AGBL4: variants seen among roughly 807,000 people sequenced by gnomAD.
The protein encoded by AGBL4 is AGBL carboxypeptidase 4, also known as cytosolic carboxypeptidase 6.
A neutral mutation model predicts 66.4 loss-of-function variants in AGBL4; 58 were observed. The observed-to-expected ratio is 0.87, with a 90% CI of 0.71 to 1.09. The LOEUF (loss-of-function observed/expected upper bound fraction) is 1.09, where lower values mean the gene tolerates loss of function less well. Among genes scored for constraint, AGBL4 ranks in the 50% least tolerant of loss-of-function variants. AGBL4 has a pLI of 0.00. For synonymous variants in AGBL4, 234 were observed against 222.9 expected (o/e 1.05, Z -0.44); for missense variants, 579 against 631.0 (o/e 0.92, Z 0.88).
At chr1:48,588,572 G>A (rs988555164) in intron 10 of AGBL4, among the ~76,000 whole-genome samples, 2 of 151,814 alleles carry the variant, frequency 1.3e-5, no homozygotes, top group East Asian at 1.9e-4. Context: ...TGTCTTATTC[G>A]GCAGGAGATA....
chr1:48,667,084 T>C (rs1334887634), intron 6 of AGBL4, among the ~76,000 whole-genome samples: 3 of 152,230 alleles, frequency 2.0e-5, no homozygotes, highest in Non-Finnish European at 4.4e-5. Context: ...CTTTTGGAGA[T>C]TAAAATCACC....
chr1:49,711,881 C>T (rs1212374524), intron 2 of AGBL4, among the ~76,000 whole-genome samples: 3 of 151,976 alleles, frequency 2.0e-5, no homozygotes, highest in African/African-American at 7.2e-5. Context: ...TGGTTACATA[C>T]AGGGACTGTA....
At chr1:49,895,286 C>A (rs191488322) in intron 1 of AGBL4, among the ~76,000 whole-genome samples, 3 of 149,962 alleles carry the variant, frequency 2.0e-5, no homozygotes, top group African/African-American at 7.3e-5. Flanking sequence ...AAGAAAGGGA[C>A]ATTAATGAAC....
intron 4 of AGBL4, among the ~76,000 whole-genome samples, chr1:49,199,212 C>A (rs1374361117): frequency 6.6e-6 from 1 of 152,144 alleles, no homozygotes; most frequent in Non-Finnish European, 1.5e-5. Flanking sequence ...ACACAACTTA[C>A]AAGAGCTAAA....
intron 5 of AGBL4, among the ~76,000 whole-genome samples, chr1:48,885,718 T>A (rs1192330841): frequency 6.6e-6 from 1 of 152,166 alleles, no homozygotes; most frequent in Admixed American, 6.5e-5. Context: ...AGTTGCAAAG[T>A]GAGTGCAGAC....
intron 5 of AGBL4, among the ~76,000 whole-genome samples, chr1:48,961,297 C>T (rs1363913284): frequency 6.6e-6 from 1 of 152,216 alleles, no homozygotes; most frequent in Non-Finnish European, 1.5e-5. Flanking sequence ...ATGGAAGTGG[C>T]AGCTGGCTCC....
At chr1:49,530,597 G>A (rs1433026244) in intron 3 of AGBL4, among the ~76,000 whole-genome samples, 1 of 151,970 alleles carries the variant, frequency 6.6e-6, no homozygotes, top group Non-Finnish European at 1.5e-5. Context: ...GGTATTTTGG[G>A]ATTGGGAAAA....
chr1:49,851,255 AT>A, intron 2 of AGBL4, 140 bp downstream of exon 2: 17 of 971,132 alleles, frequency 1.8e-5, no homozygotes, highest in Non-Finnish European at 2.2e-5. Context: ...TTCCTTCAAA[AT>A]TTTTTCCCAT....
chr1:48,820,167 G>T (rs1208653162), intron 6 of AGBL4, among the ~76,000 whole-genome samples: 1 of 152,140 alleles, frequency 6.6e-6, no homozygotes, highest in African/African-American at 2.4e-5. Flanking sequence ...GTTATCCTCA[G>T]GTTATTTTGA....
chr1:48,670,050 G>C (rs1194277506), intron 6 of AGBL4, among the ~76,000 whole-genome samples: 2 of 152,174 alleles, frequency 1.3e-5, no homozygotes, highest in Non-Finnish European at 2.9e-5. Flanking sequence ...CCTTTGAAAA[G>C]AGTATGTACA....
intron 3 of AGBL4, among the ~76,000 whole-genome samples, chr1:49,406,157 T>C (rs1170349034): frequency 1.3e-5 from 2 of 152,184 alleles, no homozygotes; most frequent in East Asian, 3.9e-4. Context: ...TGAGTTTAAA[T>C]ACCTAAAACC....
chr1:49,404,464 G>C (rs1645153819), intron 3 of AGBL4, among the ~76,000 whole-genome samples: 1 of 152,160 alleles, frequency 6.6e-6, no homozygotes, highest in South Asian at 2.1e-4. Flanking sequence ...ATCCAGTGTG[G>C]TGTTTTGTGA....
At chr1:48,563,238 T>G (rs1196885449) in intron 11 of AGBL4, among the ~76,000 whole-genome samples, 2 of 152,252 alleles carry the variant, frequency 1.3e-5, no homozygotes, top group African/African-American at 4.8e-5. Flanking sequence ...CTAATTAGCA[T>G]CACTAGCAGC....
intron 5 of AGBL4, among the ~76,000 whole-genome samples, chr1:48,903,863 G>A (rs1361694403): frequency 2.0e-5 from 3 of 152,214 alleles, no homozygotes; most frequent in Non-Finnish European, 4.4e-5. Flanking sequence ...TGTTTAAGGT[G>A]CTTTTTCCTT....
intron 3 of AGBL4, among the ~76,000 whole-genome samples, chr1:49,424,672 T>G (rs1395431001): frequency 6.6e-6 from 1 of 152,234 alleles, no homozygotes. Context: ...AGCCTCTGTA[T>G]TCTTCTGTAC....
Position 48,715,022 on chromosome 1 carries a change from C to T in AGBL4, c.635-51781G>A, listed in dbSNP as rs76257641. On this transcript the variant is annotated intron_variant, in intron 6 of 13. Transcript: ENST00000371839. ...TGAGAGGAAAATAAAGCAAATAAAG[C>T]AGAGGAAAAGGACGAGAGAGTACCC... Among the ~76,000 whole-genome samples, 1,338 of 152,256 alleles carry T rather than the reference C, an allele frequency of 8.8e-3. 24 individuals carry two copies. The highest frequency in any genetic ancestry group is 0.031 in the African/African-American group (1,285 of 41,538).
intron 6 of AGBL4, among the ~76,000 whole-genome samples, chr1:48,707,812 A>G (rs1483604165): frequency 6.6e-6 from 1 of 152,168 alleles, no homozygotes; most frequent in Admixed American, 6.5e-5. Flanking sequence ...CAAGCTGTCT[A>G]TCAGGTTCTC....
intron 3 of AGBL4, chr1:49,268,092 C>T (rs186312078): frequency 6.6e-6 from 1 of 152,152 alleles, no homozygotes; most frequent in Non-Finnish European, 1.5e-5. Context: ...GTTCTCCTTC[C>T]TGCGTGATGG....
intron 2 of AGBL4, among the ~76,000 whole-genome samples, chr1:49,764,379 C>T (rs1652579279): frequency 6.6e-6 from 1 of 152,094 alleles, no homozygotes; most frequent in African/African-American, 2.4e-5. Context: ...CTTCTGAAAA[C>T]CAAACCCCCA....
Sources: allele counts gnomAD v4.1 joint callset (sites outside exome capture counted in the v4.1 genomes callset), GRCh38; gene constraint gnomAD v4.1.1; transcripts MANE v1.5; gene names NCBI Gene and HGNC (gene_info 2026-07-23, HGNC 2026-07-21).